The following SEL1L3 variants were observed in gnomAD, a reference collection of about 807,000 sequenced individuals.
The protein encoded by SEL1L3 is protein sel-1 homolog 3.
Under a neutral mutation model 142.8 loss-of-function variants are expected in SEL1L3, and 76 were observed. The ratio of observed to expected loss-of-function variants is 0.53; its 90% confidence interval spans 0.44 to 0.64. SEL1L3 has a LOEUF of 0.64. Ranked by LOEUF, SEL1L3 falls within the 30% of genes least tolerant of loss-of-function variation. The pLI is 0.00. For synonymous variants in SEL1L3, 504 were observed against 519.6 expected (o/e 0.97, Z 0.41); for missense variants, 1,262 against 1,381.7 (o/e 0.91, Z 1.37).
the SEL1L3 span, among the ~76,000 whole-genome samples, chr4:25,714,777 G>T: frequency 6.6e-6 from 1 of 151,822 alleles, no homozygotes; most frequent in South Asian, 2.1e-4. Context: ...TCTCCATTTT[G>T]CCCAGGCTGG....
At chr4:25,803,221 G>T (rs1023584506) in intron 10 of SEL1L3, among the ~76,000 whole-genome samples, 2 of 152,258 alleles carry the variant, frequency 1.3e-5, no homozygotes, top group Non-Finnish European at 2.9e-5. Context: ...GGCCCAGAAA[G>T]GGGAAGTCGA....
At chr4:25,820,333 G>A (rs1714668705) in intron 7 of SEL1L3, among the ~76,000 whole-genome samples, 1 of 152,126 alleles carries the variant, frequency 6.6e-6, no homozygotes, top group East Asian at 1.9e-4. Flanking sequence ...CCCCTCTTCT[G>A]CAACCTCCAA....
chr4:25,714,496 TTCTTTTTC>T, the SEL1L3 span, among the ~76,000 whole-genome samples: 8 of 61,094 alleles, frequency 1.3e-4, no homozygotes, highest in African/African-American at 8.1e-4. Flanking sequence ...TTCTCTTTCT[TTCTTTTTC>T]TTTCTTTCTT....
At chr4:25,839,818 G>A (rs191141929) in intron 2 of SEL1L3, among the ~76,000 whole-genome samples, 1 of 124,760 alleles carries the variant, frequency 8.0e-6, no homozygotes, top group African/African-American at 2.5e-5. Flanking sequence ...CGAAAGAAAA[G>A]AACAAAAGCT....
chr4:25,757,484 C>CGGG, intron 23 of SEL1L3, 50 bp downstream of exon 23: 2 of 1,058,658 alleles, frequency 1.9e-6, no homozygotes, highest in Non-Finnish European at 2.6e-6. Context: ...AAAAAAATCC[C>CGGG]TGCTTTTTTT....
At chr4:25,754,463 C>G (rs1311866238) in intron 23 of SEL1L3, among the ~76,000 whole-genome samples, 1 of 151,468 alleles carries the variant, frequency 6.6e-6, no homozygotes, top group African/African-American at 2.4e-5. Flanking sequence ...ATTCTCATGC[C>G]TTGGCTTCCC....
At chr4:25,853,839 T>C (rs2109320058) in intron 1 of SEL1L3, among the ~76,000 whole-genome samples, 1 of 152,100 alleles carries the variant, frequency 6.6e-6, no homozygotes, top group Non-Finnish European at 1.5e-5. Flanking sequence ...GCCCAGCTAA[T>C]TTTTGTATTT....
chr4:25,859,384 T>C (rs1427010551), intron 1 of SEL1L3, among the ~76,000 whole-genome samples: 7 of 152,248 alleles, frequency 4.6e-5, no homozygotes, highest in Non-Finnish European at 1.5e-5. Context: ...CCGTGACTTA[T>C]CTTTCAGCCC....
chr4:25,862,063 T>C (rs1717744865), intron 1 of SEL1L3: 1 of 152,244 alleles, frequency 6.6e-6, no homozygotes, highest in African/African-American at 2.4e-5. Context: ...ACTCTGGCGG[T>C]AAGCGTGTTA....
intron 6 of SEL1L3, among the ~76,000 whole-genome samples, chr4:25,825,730 A>G (rs1388458758): frequency 7.9e-6 from 1 of 127,338 alleles, no homozygotes; most frequent in Non-Finnish European, 1.5e-5. Context: ...GCTGGAGTGC[A>G]GTGGCGCAAT....
downstream of SEL1L3, among the ~76,000 whole-genome samples, chr4:25,744,766 T>C (rs1027259103): frequency 6.6e-6 from 1 of 152,210 alleles, no homozygotes; most frequent in Non-Finnish European, 1.5e-5. Context: ...CCAATGTGGC[T>C]GGTGTCCTTA....
chr4:25,862,520 C>T (rs1483321285), intron 1 of SEL1L3, among the ~76,000 whole-genome samples, 155 bp downstream of exon 1: 1 of 152,090 alleles, frequency 6.6e-6, no homozygotes, highest in East Asian at 1.9e-4. Context: ...GGGTACCTAT[C>T]CCAGGTGCCG....
chr4:25,798,996 C>A (rs1175841153), intron 11 of SEL1L3, among the ~76,000 whole-genome samples: 2 of 152,104 alleles, frequency 1.3e-5, no homozygotes, highest in East Asian at 1.9e-4. Context: ...TTCTGAGACC[C>A]CCCTCCTTGG....
At chr4:25,861,069 G>A (rs1227400675) in intron 1 of SEL1L3, among the ~76,000 whole-genome samples, 3 of 152,168 alleles carry the variant, frequency 2.0e-5, no homozygotes, top group Non-Finnish European at 2.9e-5. Context: ...AGATGTCCAC[G>A]TGGAACTTTT....
At chr4:25,718,546 T>C in the SEL1L3 span, 2 of 152,194 alleles carry the variant, frequency 1.3e-5, no homozygotes, top group Non-Finnish European at 2.9e-5. Context: ...TGGATGAGGA[T>C]AGGCATAATA....
intron 1 of SEL1L3, among the ~76,000 whole-genome samples, chr4:25,852,052 C>T (rs1013893565): frequency 6.6e-6 from 1 of 152,052 alleles, no homozygotes; most frequent in Non-Finnish European, 1.5e-5. Context: ...CCACCCCCCC[C>T]AGGAGAGGTT....
intron 19 of SEL1L3, 92 bp downstream of exon 19, chr4:25,767,433 A>G: frequency 2.9e-6 from 2 of 689,108 alleles, no homozygotes; most frequent in Non-Finnish European, 5.2e-6. Context: ...ATTTAGAAAT[A>G]CCTCACTTCA....
At chr4:25,787,326 AT>A (rs35364169) in intron 13 of SEL1L3, among the ~76,000 whole-genome samples, 13 of 150,994 alleles carry the variant, frequency 8.6e-5, no homozygotes, top group East Asian at 5.8e-4. Context: ...ACTATTACTA[AT>A]TTTTTTTTTC....
At position 25,747,771 on chromosome 4, in the gene SEL1L3, A is replaced by G. The variant is rs1217339334; in HGVS notation, c.*654T>C. Reference sequence around the variant, plus strand: ...TCTAAATGTAATTTCATGGATTGCAATTGAAATGTAAAAGATATCCGACAA... The same window carrying G: ...TCTAAATGTAATTTCATGGATTGCAGTTGAAATGTAAAAGATATCCGACAA... On this transcript the variant is annotated 3_prime_UTR_variant, in exon 24 of 24. Transcript: ENST00000399878. 6.5e-6 allele frequency: 1 copy of G among 152,678 alleles called. No homozygotes were observed. The highest frequency in any genetic ancestry group is 1.9e-4 in the East Asian group (1 of 5,202). The allele number at this position is 152,678 out of a possible 1,614,324, so 9.5% of individuals were successfully genotyped here.
Sources: allele counts gnomAD v4.1 joint callset (sites outside exome capture counted in the v4.1 genomes callset), GRCh38; gene constraint gnomAD v4.1.1; transcripts MANE v1.5; gene names NCBI Gene and HGNC (gene_info 2026-07-23, HGNC 2026-07-21).